Variants in SLC37A3 observed in about 807,000 individuals in gnomAD.
SLC37A3 encodes sugar phosphate exchanger 3.
In SLC37A3, 51 loss-of-function variants were observed where a neutral mutation model predicts 67.1. That is an observed-to-expected ratio of 0.76 (90% CI 0.61 to 0.96). SLC37A3 has a LOEUF of 0.96. SLC37A3 is among the 40% of genes least tolerant of loss of function. SLC37A3 has a pLI of 0.00. For missense variants in SLC37A3, 508 were observed against 603.0 expected (o/e 0.84, Z 1.65); for synonymous variants, 214 against 231.4 (o/e 0.92, Z 0.68).
intron 13 of SLC37A3, chr7:140,337,831 C>T (rs965225820): frequency 6.6e-6 from 1 of 152,186 alleles, no homozygotes; most frequent in African/African-American, 2.4e-5. Flanking sequence ...ACTTATTTAA[C>T]CCATTTTCTT....
Position 140,335,524 on chromosome 7 carries a change from T to C in SLC37A3, c.1393-20A>G, listed in dbSNP as rs1796100325. ...ACTTGTCTGTAAAGAGAAAATAGTA[T>C]TAAATATGCAGCAACAGTTTACTTC... On this transcript the variant is annotated intron_variant, in intron 14 of 14. Transcript: ENST00000326232. The C allele has an allele frequency of 1.2e-6, 2 of 1,608,692 alleles. No individual in the cohort carries two copies. The highest frequency in any genetic ancestry group is 1.7e-6 in the Non-Finnish European group (2 of 1,178,228).
Position 140,335,507 on chromosome 7 carries a change from G to A in SLC37A3, c.1393-3C>T, listed in dbSNP as rs1796099296. ...ATAAACACAATTGTACAACTTGTCT[G>A]TAAAGAGAAAATAGTATTAAATATG... On this transcript the variant is annotated splice_polypyrimidine_tract_variant and splice_region_variant and intron_variant, in intron 14 of 14. Coordinates refer to ENST00000326232, the MANE Select transcript of SLC37A3 (RefSeq NM_207113.3). 6.2e-7 allele frequency: 1 copy of A among 1,611,976 alleles called. No homozygotes were observed. The highest frequency in any genetic ancestry group is 1.3e-5 in the African/African-American group (1 of 75,038).
intron 3 of SLC37A3, among the ~76,000 whole-genome samples, chr7:140,372,431 G>A (rs1159838924): frequency 6.6e-6 from 1 of 152,134 alleles, no homozygotes; most frequent in Admixed American, 6.6e-5. Context: ...GCTCCCTTCT[G>A]CACTGACAAT....
Position 140,335,010 on chromosome 7 carries a change from T to C in SLC37A3, c.*402A>G, listed in dbSNP as rs1224315030. ...AATGATCTCTTCCATTTGTGGAACATACCACCAACACAAACCACGCGTGGC... is the reference window on the plus strand; with the variant it reads ...AATGATCTCTTCCATTTGTGGAACACACCACCAACACAAACCACGCGTGGC... On this transcript the variant is annotated 3_prime_UTR_variant, in exon 15 of 15. Transcript: ENST00000326232. 8.0e-6 allele frequency: 4 copies of C among 497,334 alleles called. No homozygotes were observed. The highest frequency in any genetic ancestry group is 3.7e-5 in the East Asian group (1 of 26,994). The allele number at this position is 497,334 out of a possible 1,614,324, so 30.8% of individuals were successfully genotyped here.
intron 3 of SLC37A3, among the ~76,000 whole-genome samples, chr7:140,376,495 G>C (rs78333400): frequency 2.0e-5 from 3 of 152,144 alleles, no homozygotes; most frequent in African/African-American, 4.8e-5. Flanking sequence ...GTATTGTGCT[G>C]GGGGGACTAT....
At chr7:140,386,213 G>A (rs1435305885) in intron 1 of SLC37A3, among the ~76,000 whole-genome samples, 2 of 151,842 alleles carry the variant, frequency 1.3e-5, no homozygotes, top group African/African-American at 2.4e-5. Flanking sequence ...GAATACAGGC[G>A]CACATGCCAC....
At chr7:140,378,714 C>T (rs906570130) in intron 3 of SLC37A3, among the ~76,000 whole-genome samples, 4 of 133,490 alleles carry the variant, frequency 3.0e-5, no homozygotes, top group Non-Finnish European at 4.7e-5. Flanking sequence ...TCCAGCCTGG[C>T]GATAGAGCAA....
At position 140,387,764 on chromosome 7, in the gene SLC37A3, A is replaced by ATATATATTATATATAAATATAAATATAT. The variant is rs1563053386; in HGVS notation, c.-70-5169_-70-5168insATATATTTATATTTATATATAATATATA. The stretch of plus-strand genomic sequence containing the variant: ...TATATTATATAAATATAAATATATT[A>ATATATATTATATATAAATATAAATATAT]TATATATTATACATAAATATAAATA... On this transcript the variant is annotated intron_variant, in intron 1 of 14. Coordinates refer to ENST00000326232, the MANE Select transcript of SLC37A3 (RefSeq NM_207113.3). Among the ~76,000 whole-genome samples, 19 of 66,464 alleles carry ATATATATTATATATAAATATAAATATAT rather than the reference A, an allele frequency of 2.9e-4. 2 individuals are homozygous for ATATATATTATATATAAATATAAATATAT. Among genetic ancestry groups the ATATATATTATATATAAATATAAATATAT allele is most frequent in the Admixed American group, 1.1e-3 (3 of 2,656 alleles). The allele number at this position is 66,464 out of a possible 152,430, so 43.6% of individuals were successfully genotyped here. A position where few individuals can be genotyped will look rare whatever the true frequency, so the allele number is the denominator to read the frequency against.
At chr7:140,391,495 G>A (rs1330775532) in intron 1 of SLC37A3, among the ~76,000 whole-genome samples, 1 of 152,210 alleles carries the variant, frequency 6.6e-6, no homozygotes, top group Non-Finnish European at 1.5e-5. Flanking sequence ...GGCAGAGGTT[G>A]CAGTGAGCCG....
chr7:140,345,523 C>G (rs891665578), intron 11 of SLC37A3, among the ~76,000 whole-genome samples: 18 of 152,178 alleles, frequency 1.2e-4, no homozygotes, highest in African/African-American at 4.3e-4. Context: ...ATATACCAAA[C>G]CTACTAATTA....
chr7:140,343,886 C>T (rs182680054), intron 12 of SLC37A3: 131 of 277,838 alleles, frequency 4.7e-4, no homozygotes, highest in South Asian at 5.4e-4. Flanking sequence ...AATTCTATTA[C>T]GGTAGTTGCA....
chr7:140,343,554 A>G lies in SLC37A3; in HGVS notation c.1184T>C (p.Ile395Thr), dbSNP rs141323043. Residue 395 changes from isoleucine (I) to threonine (T), a missense_variant, in exon 13 of 15, where the codon ATT (isoleucine) becomes ACT (threonine). Physicochemically the swap from Ile to Thr is moderately conservative, Grantham distance 89 (BLOSUM62 -1). Coordinates refer to ENST00000326232, the MANE Select transcript of SLC37A3 (RefSeq NM_207113.3). ...ACTAATCATATTAGAAGGTCCACCA[A>G]TAAAAAATCCTGAAGTCATAAACAG... ...ALLMTVTGFF[I>T]GGPSNMISSA... 5 of 1,614,122 alleles carry G rather than the reference A, an allele frequency of 3.1e-6. No homozygotes were observed. In the African/African-American group the frequency reaches 4.0e-5, roughly 13 times the overall value.
At chr7:140,362,555 T>A (rs1253562688) in intron 5 of SLC37A3, among the ~76,000 whole-genome samples, 1 of 85,098 alleles carries the variant, frequency 1.2e-5, no homozygotes, top group Non-Finnish European at 2.3e-5. Flanking sequence ...AGGTGGGGGG[T>A]CAGCCCCCCG....
chr7:140,351,459 A>C lies in SLC37A3; in HGVS notation c.704-8T>G. ...CCTCAATACCCGAGAGACCTAAAAT[A>C]ACAGCGACAGCCACTGTTTATGGAG... On this transcript the variant is annotated splice_polypyrimidine_tract_variant and splice_region_variant and intron_variant, in intron 8 of 14. Transcript: ENST00000326232. The C allele has an allele frequency of 6.2e-7, 1 of 1,612,308 alleles. No homozygotes were observed. The highest frequency in any genetic ancestry group is 8.5e-7 in the Non-Finnish European group (1 of 1,178,812).
At chr7:140,348,400 G>A in intron 10 of SLC37A3, 1 of 415,764 alleles carries the variant, frequency 2.4e-6, no homozygotes, top group Non-Finnish European at 4.1e-6. Context: ...ATAAATCACA[G>A]CGCTGCCTTA....
intron 1 of SLC37A3, among the ~76,000 whole-genome samples, chr7:140,387,840 A>ATATAAATATATTATATATATTAT (rs1798558124): frequency 9.9e-6 from 1 of 101,182 alleles, no homozygotes; most frequent in African/African-American, 3.7e-5. Context: ...ATTATATATA[A>ATATAAATATATTATATATATTAT]ACATATATAT....
rs144318592 is a variant in SLC37A3, at chr7:140,359,171, G to A, written c.376-386C>T. On this transcript the variant is annotated intron_variant, in intron 5 of 14. Transcript: ENST00000326232. ...ATCCTGGCTAACACGGTGAAACCCC[G>A]TCTCTAATGAAATTATAAAAAATTA... Among the ~76,000 whole-genome samples the A allele has an allele frequency of 1.1e-4, 17 of 151,120 alleles. No homozygotes were observed. The East Asian group carries it at 2.1e-3, about 19-fold the overall frequency.
At chr7:140,352,464 T>G (rs933584298) in intron 7 of SLC37A3, among the ~76,000 whole-genome samples, 2 of 152,182 alleles carry the variant, frequency 1.3e-5, no homozygotes, top group Non-Finnish European at 2.9e-5. Flanking sequence ...ACATAGCCTC[T>G]CATAAAAGAC....
chr7:140,335,186 A>T lies in SLC37A3; in HGVS notation c.*226T>A. On this transcript the variant is annotated 3_prime_UTR_variant, in exon 15 of 15. Transcript: ENST00000326232. ...CTGGCAGAGTCAGAAGTCACTCGGC[A>T]CATTCATGAAACAACAGCAAAAATC... is the stretch of plus-strand genomic sequence containing the variant. 1 of 1,576,040 alleles carries T rather than the reference A, an allele frequency of 6.3e-7. No homozygotes were observed. The highest frequency in any genetic ancestry group is 8.7e-7 in the Non-Finnish European group (1 of 1,155,712).
Sources: gnomAD v4.1 joint callset for allele counts (sites outside exome capture counted in the v4.1 genomes callset) on GRCh38, gnomAD v4.1.1 for gene constraint, MANE v1.5 for transcripts, NCBI Gene and HGNC (gene_info 2026-07-23, HGNC 2026-07-21) for gene names.